PCDHA13: variants seen among roughly 807,000 people sequenced by gnomAD.
PCDHA13 encodes the protein protocadherin alpha 13.
PCDHA13 carries 54 observed loss-of-function variants against 64.8 expected under a neutral mutation model. That is an observed-to-expected ratio of 0.83 (90% CI 0.67 to 1.04). PCDHA13 has a LOEUF of 1.04. Ranked by LOEUF, PCDHA13 falls within the 50% of genes least tolerant of loss-of-function variation. PCDHA13 has a pLI of 0.00. For synonymous variants in PCDHA13, 587 were observed against 564.4 expected (o/e 1.04, Z -0.57); for missense variants, 1,248 against 1,254.3 (o/e 0.99, Z 0.08).
chr5:140,900,840 T>C (rs6874218), intron 1 of PCDHA13, among the ~76,000 whole-genome samples: 1 of 151,950 alleles, frequency 6.6e-6, no homozygotes, highest in Admixed American at 6.6e-5. Flanking sequence ...ATGTACAAAG[T>C]TTCCCTTTTT....
At chr5:140,926,470 GT>G (rs1204371892) in intron 1 of PCDHA13, 7 of 162,858 alleles carry the variant, frequency 4.3e-5, no homozygotes, top group Non-Finnish European at 9.2e-5. Context: ...AGAAAACACC[GT>G]TTAAGGAGAG....
chr5:140,928,513 A>G lies in PCDHA13; in HGVS notation c.2394+43851A>G, dbSNP rs781867292. On this transcript the variant is annotated intron_variant, in intron 1 of 3. Transcript: ENST00000289272. ...TCCTCCCAGAAGTGCAACAGTGACTATAAACTTGTTTGTGGTAGATAGGAA... is the reference window on the plus strand; with the variant it reads ...TCCTCCCAGAAGTGCAACAGTGACTGTAAACTTGTTTGTGGTAGATAGGAA... 1.4e-5 allele frequency: 23 copies of G among 1,614,064 alleles called. No individual in the cohort carries two copies. In the African/African-American group the frequency reaches 2.8e-4, roughly 20 times the overall value.
At chr5:140,998,405 G>C (rs144117915) in intron 3 of PCDHA13, among the ~76,000 whole-genome samples, 226 of 152,208 alleles carry the variant, frequency 1.5e-3, no homozygotes, top group African/African-American at 5.2e-3. Flanking sequence ...TTATGCCAAA[G>C]TTTATCTACC....
At chr5:140,911,030 C>A (rs995736934) in intron 1 of PCDHA13, among the ~76,000 whole-genome samples, 1 of 152,066 alleles carries the variant, frequency 6.6e-6, no homozygotes, top group East Asian at 1.9e-4. Context: ...AGTTATAGGT[C>A]TAGAAGCAAA....
rs144073627 is a variant in PCDHA13, at chr5:140,882,926, C to A, written c.658C>A (p.Pro220Thr). ...LLLTASDGGK[P>T]ELTGTVQLLI... ...ACTGACAGCCAGTGATGGAGGTAAA[C>A]CCGAGCTGACTGGCACAGTTCAGCT... Residue 220 changes from proline (P) to threonine (T), a missense_variant, in exon 1 of 4, where the codon CCC (proline) becomes ACC (threonine). Coordinates refer to ENST00000289272, the MANE Select transcript of PCDHA13 (RefSeq NM_018904.3). 1 of 1,614,058 alleles carries A rather than the reference C, an allele frequency of 6.2e-7. No individual in the cohort carries two copies. The highest frequency in any genetic ancestry group is 8.5e-7 in the Non-Finnish European group (1 of 1,180,052).
At chr5:140,986,480 T>A (rs781884269) in intron 3 of PCDHA13, among the ~76,000 whole-genome samples, 16 of 152,200 alleles carry the variant, frequency 1.1e-4, no homozygotes, top group Non-Finnish European at 1.5e-4. Flanking sequence ...GATCAGTTCC[T>A]AGGGCAATCC....
chr5:140,969,260 C>T (rs782595245), intron 1 of PCDHA13: 11 of 1,614,110 alleles, frequency 6.8e-6, no homozygotes, highest in Non-Finnish European at 6.8e-6. Flanking sequence ...CAGCAGGAAT[C>T]TCACAGGCCA....
At chr5:141,003,221 G>A (rs2098116088) in intron 3 of PCDHA13, among the ~76,000 whole-genome samples, 1 of 152,206 alleles carries the variant, frequency 6.6e-6, no homozygotes, top group Admixed American at 6.5e-5. Flanking sequence ...GCATGAAAGA[G>A]GAAAGCTGGA....
chr5:140,966,280 G>C (rs782249047), intron 1 of PCDHA13: 3 of 365,660 alleles, frequency 8.2e-6, no homozygotes, highest in African/African-American at 4.2e-5. Flanking sequence ...CTGGACAGTG[G>C]GGGTAGGGAG....
chr5:140,998,746 A>C (rs1473770059), intron 3 of PCDHA13, among the ~76,000 whole-genome samples: 2 of 151,954 alleles, frequency 1.3e-5, no homozygotes, highest in Non-Finnish European at 2.9e-5. Context: ...GTATTTTTAG[A>C]AGAGACACAG....
chr5:140,926,778 A>G, intron 1 of PCDHA13: 1 of 1,393,042 alleles, frequency 7.2e-7, no homozygotes, highest in East Asian at 2.6e-5. Context: ...CGCAGCAGTG[A>G]CGGCCGGCAG....
At chr5:140,931,977 T>G (rs1207911799) in intron 1 of PCDHA13, among the ~76,000 whole-genome samples, 2 of 151,978 alleles carry the variant, frequency 1.3e-5, no homozygotes, top group Non-Finnish European at 2.9e-5. Flanking sequence ...TATGTGTTTA[T>G]ATTTTGCTCA....
chr5:140,980,878 G>A (rs528577692), intron 2 of PCDHA13, among the ~76,000 whole-genome samples: 6 of 152,118 alleles, frequency 3.9e-5, no homozygotes, highest in East Asian at 1.9e-4. Context: ...GGGTGTTCTC[G>A]GTCTTTCCAG....
intron 2 of PCDHA13, among the ~76,000 whole-genome samples, chr5:140,980,631 A>G (rs1272240071): frequency 6.6e-6 from 1 of 152,222 alleles, no homozygotes; most frequent in Non-Finnish European, 1.5e-5. Flanking sequence ...TCTGTCTCAG[A>G]AGAATAAATA....
intron 1 of PCDHA13, among the ~76,000 whole-genome samples, chr5:140,954,141 T>C (rs1344784554): frequency 2.0e-5 from 3 of 152,208 alleles, no homozygotes; most frequent in Non-Finnish European, 4.4e-5. Flanking sequence ...TGCATAGTAT[T>C]CCATGGTGTA....
At chr5:140,952,058 T>C (rs889374877) in intron 1 of PCDHA13, among the ~76,000 whole-genome samples, 1 of 152,096 alleles carries the variant, frequency 6.6e-6, no homozygotes, top group African/African-American at 2.4e-5. Flanking sequence ...ATCTTAAAGC[T>C]CCAAATAATC....
intron 1 of PCDHA13, among the ~76,000 whole-genome samples, chr5:140,895,206 A>G (rs948962776): frequency 6.6e-6 from 1 of 151,808 alleles, no homozygotes; most frequent in Non-Finnish European, 1.5e-5. Flanking sequence ...ATTTGCTTTT[A>G]TTTCTAATAT....
chr5:140,884,821 G>A, intron 1 of PCDHA13, 159 bp downstream of exon 1: 2 of 1,011,756 alleles, frequency 2.0e-6, no homozygotes, highest in South Asian at 2.2e-5. Flanking sequence ...TGGACATTAT[G>A]TGTTGGATTA....
intron 1 of PCDHA13, among the ~76,000 whole-genome samples, chr5:140,891,366 T>C (rs1261887556): frequency 6.6e-6 from 1 of 152,168 alleles, no homozygotes; most frequent in Non-Finnish European, 1.5e-5. Flanking sequence ...CTGAGCAGTA[T>C]ACATTGCACC....
Sources: allele counts gnomAD v4.1 joint callset (sites outside exome capture counted in the v4.1 genomes callset), GRCh38; gene constraint gnomAD v4.1.1; transcripts MANE v1.5; gene names NCBI Gene and HGNC (gene_info 2026-07-23, HGNC 2026-07-21).